The following DDB1 variants were observed in gnomAD, a reference collection of about 807,000 sequenced individuals.
The protein encoded by DDB1 is damage specific DNA binding protein 1.
Under a neutral mutation model 133.1 loss-of-function variants are expected in DDB1, and 18 were observed. The observed-to-expected ratio is 0.14, with a 90% CI of 0.09 to 0.20. The LOEUF (loss-of-function observed/expected upper bound fraction) is 0.20, where lower values mean the gene tolerates loss of function less well. DDB1 is among the 10% of genes least tolerant of loss of function. The probability of loss-of-function intolerance (pLI) is 1.00; values close to 1 mark genes in which losing one functional copy is unlikely to be tolerated. For missense variants in DDB1, 828 were observed against 1,459.2 expected, an observed-to-expected ratio of 0.57 and a Z score of 7.05; for synonymous variants, 580 against 550.5, an observed-to-expected ratio of 1.05 and a Z score of -0.75.
intron 10 of DDB1, among the ~76,000 whole-genome samples, chr11:61,320,884 CTCT>C (rs1312701890): frequency 3.3e-5 from 5 of 151,152 alleles, no homozygotes; most frequent in Non-Finnish European, 5.9e-5. Context: ...TGTGTAGCCT[CTCT>C]TTTTTTTTTT....
chr11:61,315,819 T>A (rs1006614349), intron 12 of DDB1: 6 of 154,484 alleles, frequency 3.9e-5, no homozygotes, highest in African/African-American at 1.2e-4. Context: ...AGGGTAAGCT[T>A]CGGTTATAAT....
chr11:61,302,397 C>G, intron 24 of DDB1, 38 bp from the exon 25 acceptor site: 3 of 1,605,026 alleles, frequency 1.9e-6, no homozygotes, highest in Non-Finnish European at 2.6e-6. Flanking sequence ...GCAGAGAGCT[C>G]AACCCCACAG....
chr11:61,325,671 C>T lies in DDB1; in HGVS notation c.702G>A (p.Gln234=), dbSNP rs1370323754. ...CACCATTGTGATAGGTGATTGACTC[C>T]TGTCCAATGATGATGGCCCCCCCAA... ...EPFGGAIIIG[Q]ESITYHNGDK... is the part of the protein sequence containing the mutation. Residue 234 remains glutamine, a synonymous_variant, in exon 6 of 27, where the codon CAG becomes CAA. Transcript: ENST00000301764. The T allele has an allele frequency of 6.2e-7, 1 of 1,613,676 alleles. No individual in the cohort carries two copies. The highest frequency in any genetic ancestry group is 1.7e-5 in the Admixed American group (1 of 59,974).
chr11:61,311,740 T>G, intron 18 of DDB1, 44 bp downstream of exon 18: 1 of 1,555,510 alleles, frequency 6.4e-7, no homozygotes, highest in South Asian at 1.2e-5. Flanking sequence ...GAAAGCTTGC[T>G]GGCCCCTGCT....
chr11:61,316,000 C>T (rs118152230), intron 12 of DDB1: 5,214 of 272,884 alleles, frequency 0.019, 99 homozygotes, highest in Non-Finnish European at 0.028. Context: ...AAAATAGGAT[C>T]CGAAACTATA....
chr11:61,331,452 C>T (rs1856366368), intron 2 of DDB1, 91 bp downstream of exon 2: 3 of 1,533,846 alleles, frequency 2.0e-6, no homozygotes, highest in Non-Finnish European at 1.8e-6. Context: ...ACCCCCGTCT[C>T]AAAGAAAATA....
intron 4 of DDB1, among the ~76,000 whole-genome samples, chr11:61,328,511 C>A (rs537279332): frequency 6.6e-6 from 1 of 152,336 alleles, no homozygotes; most frequent in Admixed American, 6.5e-5. Flanking sequence ...CTTAACAGAT[C>A]TGGACCAGAG....
chr11:61,310,325 G>A lies in DDB1; in HGVS notation c.2371C>T (p.Leu791=), dbSNP rs527507882. 1.2e-4 allele frequency: 192 copies of A among 1,612,044 alleles called. 3 individuals carry two copies. In the South Asian group the frequency reaches 1.5e-3, roughly 13 times the overall value. The change falls in exon 19 of 27, where the codon CTA becomes TTA. Residue 791 remains leucine, a synonymous_variant. Coordinates refer to ENST00000301764, the MANE Select transcript of DDB1 (RefSeq NM_001923.5). ...SFGEEVEVHN[L]LIIDQHTFEV... ...AAGGTGTGTTGGTCAATGATAAGTAGGTTGTGCACCTCCACCTCTTCTCCA... is the reference window on the plus strand; with the variant it reads ...AAGGTGTGTTGGTCAATGATAAGTAAGTTGTGCACCTCCACCTCTTCTCCA...
rs771826141 is a variant in DDB1 at position 61,325,606 on chromosome 11, C to T, written c.762+5G>A. 6.2e-7 allele frequency: 1 copy of T among 1,612,948 alleles called. No homozygotes were observed. The highest frequency in any genetic ancestry group is 1.7e-5 in the Admixed American group (1 of 59,942). ...GAAAGGAAAAAAAGGTAGGACTGCG[C>T]TCACCTTGATGATAGGAGGGGCAAT... On this transcript the variant is annotated splice_donor_5th_base_variant and intron_variant, in intron 6 of 26. Coordinates refer to ENST00000301764, the MANE Select transcript of DDB1 (RefSeq NM_001923.5).
Position 61,316,293 on chromosome 11 carries a change from G to C in DDB1, c.1402C>G (p.Leu468Val), listed in dbSNP as rs1487759918. Residue 468 changes from leucine (L) to valine (V), a missense_variant, in exon 12 of 27, where the codon CTT becomes GTT. Coordinates refer to ENST00000301764, the MANE Select transcript of DDB1 (RefSeq NM_001923.5). ...FFCGNVAHQQ[L>V]IQITSASVRL... The stretch of plus-strand genomic sequence containing the variant: ...CCTTTCTCAGTTATCACCTGGATAA[G>C]CTGCTGATGAGCCACGTTGCCACAG... The C allele has an allele frequency of 6.2e-7, 1 of 1,614,064 alleles. No homozygotes were observed. The highest frequency in any genetic ancestry group is 1.6e-4 in the Middle Eastern group (1 of 6,062).
At chr11:61,320,864 T>C (rs190444215) in intron 10 of DDB1, among the ~76,000 whole-genome samples, 26 of 152,280 alleles carry the variant, frequency 1.7e-4, no homozygotes, top group African/African-American at 5.8e-4. Context: ...ACATTCTAAA[T>C]GTCTTTCACT....
At chr11:61,330,164 T>C (rs1856343349) in intron 2 of DDB1, 90 bp from the exon 3 acceptor site, 2 of 1,074,484 alleles carry the variant, frequency 1.9e-6, no homozygotes, top group African/African-American at 1.6e-5. Context: ...TCTTTAAGAA[T>C]TTTCCAAATT....
chr11:61,326,722 G>T, intron 5 of DDB1, 57 bp downstream of exon 5: 1 of 1,417,374 alleles, frequency 7.1e-7, no homozygotes, highest in South Asian at 1.1e-5. Context: ...GAGCGAACAA[G>T]AACAGGGAAC....
rs376984058 is a variant in DDB1, at chr11:61,310,210, T to A, written c.2401+85A>T. Reference sequence around the variant, plus strand: ...TCCTCCTAGGACAGTCTGCCACATCTGTCAGGCTTTGCAGGTACCAGAGCC... The same window carrying A: ...TCCTCCTAGGACAGTCTGCCACATCAGTCAGGCTTTGCAGGTACCAGAGCC... On this transcript the variant is annotated intron_variant, in intron 19 of 26. Transcript: ENST00000301764. 15 of 1,532,206 alleles carry A rather than the reference T, an allele frequency of 9.8e-6. 1 individual carries two copies. In the Admixed American group the frequency reaches 1.4e-4, roughly 14 times the overall value. The allele number at this position is 1,532,206 out of a possible 1,614,324, so 94.9% of individuals were successfully genotyped here.
rs771804044 is a variant in DDB1, at chr11:61,300,122, C to T, written c.*14G>A. The T allele has an allele frequency of 3.1e-6, 5 of 1,613,356 alleles. No individual in the cohort carries two copies. Among genetic ancestry groups the T allele is most frequent in the Non-Finnish European group, 4.2e-6 (5 of 1,179,568 alleles). ...CCTTTGGGGAGGGTCAGCAAAGGGG[C>T]CCCCTGCCCTTGGCTAATGGATCCG... On this transcript the variant is annotated 3_prime_UTR_variant, in exon 27 of 27. Coordinates refer to ENST00000301764, the MANE Select transcript of DDB1 (RefSeq NM_001923.5).
intron 7 of DDB1, 33 bp from the exon 8 acceptor site, chr11:61,323,127 G>C (rs781087222): frequency 1.1e-5 from 18 of 1,577,132 alleles, no homozygotes; most frequent in Non-Finnish European, 1.6e-5. Flanking sequence ...AAAGAAATGA[G>C]AATGGACCCT....
intron 2 of DDB1, 61 bp from the exon 3 acceptor site, chr11:61,330,135 G>T: frequency 7.5e-7 from 1 of 1,339,172 alleles, no homozygotes; most frequent in Non-Finnish European, 1.0e-6. Flanking sequence ...AACCTGTCCA[G>T]TCTTTAAGCA....
At chr11:61,326,151 G>A in intron 5 of DDB1, 1 of 257,482 alleles carries the variant, frequency 3.9e-6, no homozygotes, top group Non-Finnish European at 7.5e-6. Context: ...CCTACTGAGT[G>A]AGACAAACAT....
chr11:61,311,954 AC>A, intron 17 of DDB1, 34 bp downstream of exon 17: 7 of 1,613,316 alleles, frequency 4.3e-6, no homozygotes, highest in Non-Finnish European at 5.9e-6. Flanking sequence ...CCCTACACCA[AC>A]CCCCACTTCC....
Sources: allele counts gnomAD v4.1 joint callset (sites outside exome capture counted in the v4.1 genomes callset), GRCh38; gene constraint gnomAD v4.1.1; transcripts MANE v1.5; gene names NCBI Gene and HGNC (gene_info 2026-07-23, HGNC 2026-07-21).